Variants in LARS1 observed in about 807,000 individuals in gnomAD.
The protein encoded by LARS1 is leucine--tRNA ligase, cytoplasmic.
Under a neutral mutation model 162.8 loss-of-function variants are expected in LARS1, and 100 were observed. That is an observed-to-expected ratio of 0.61 (90% confidence interval 0.52 to 0.73). The LOEUF is 0.73. Ranked by LOEUF, LARS1 falls within the 30% of genes least tolerant of loss-of-function variation. The pLI is 0.00. For synonymous variants in LARS1, 457 were observed against 462.8 expected (o/e 0.99, Z 0.16); for missense variants, 1,258 against 1,408.9 (o/e 0.89, Z 1.71).
intron 24 of LARS1, chr5:146,130,504 T>G: frequency 4.5e-6 from 1 of 221,154 alleles, no homozygotes; most frequent in Non-Finnish European, 8.8e-6. Flanking sequence ...AACACATTGC[T>G]ATGCCCAGCC....
At chr5:146,130,463 G>C in intron 24 of LARS1, 1 of 280,368 alleles carries the variant, frequency 3.6e-6, no homozygotes, top group Non-Finnish European at 6.6e-6. Context: ...CAGCATATAG[G>C]ATATTAAATA....
chr5:146,122,400 T>C (rs1751865402), intron 30 of LARS1, 92 bp downstream of exon 30: 1 of 710,344 alleles, frequency 1.4e-6, no homozygotes, highest in African/African-American at 1.8e-5. Context: ...CCTTACTTTG[T>C]TCTATTTTTT....
At chr5:146,166,059 T>A (rs1753990790) in intron 5 of LARS1, among the ~76,000 whole-genome samples, 1 of 152,192 alleles carries the variant, frequency 6.6e-6, no homozygotes, top group South Asian at 2.1e-4. Context: ...TATATTTCCT[T>A]GCTCTGTCCA....
At chr5:146,146,304 C>T (rs1257189643) in intron 15 of LARS1, among the ~76,000 whole-genome samples, 1 of 145,732 alleles carries the variant, frequency 6.9e-6, no homozygotes, top group Non-Finnish European at 1.5e-5. Flanking sequence ...CGTGCCATTG[C>T]ACTCCAGCAG....
chr5:146,126,773 A>C (rs920368883), intron 27 of LARS1, among the ~76,000 whole-genome samples: 2 of 152,276 alleles, frequency 1.3e-5, no homozygotes, highest in South Asian at 4.1e-4. Flanking sequence ...TTAGAAGAGA[A>C]AAAGAAGTGA....
intron 24 of LARS1, 50 bp downstream of exon 24, chr5:146,130,969 A>G: frequency 9.8e-7 from 1 of 1,024,298 alleles, no homozygotes; most frequent in Non-Finnish European, 1.5e-6. Context: ...GAAAATACAT[A>G]ATGTTCACAT....
At chr5:146,171,775 T>A (rs1002105771) in intron 4 of LARS1, 135 bp downstream of exon 4, 1 of 598,582 alleles carries the variant, frequency 1.7e-6, no homozygotes. Context: ...TTTAAATTAA[T>A]TTTCACTATA....
chr5:146,136,727 G>A (rs966455379), intron 21 of LARS1, among the ~76,000 whole-genome samples: 4 of 151,834 alleles, frequency 2.6e-5, no homozygotes, highest in East Asian at 3.9e-4. Flanking sequence ...TGATCTGCCC[G>A]CCCTGGCATC....
chr5:146,147,901 A>T (rs940402551), intron 15 of LARS1, among the ~76,000 whole-genome samples: 2 of 152,184 alleles, frequency 1.3e-5, no homozygotes, highest in Non-Finnish European at 2.9e-5. Flanking sequence ...GGGAGAAAAA[A>T]GATTATACAA....
intron 1 of LARS1, among the ~76,000 whole-genome samples, chr5:146,179,051 G>A (rs943365904): frequency 2.6e-5 from 4 of 152,152 alleles, no homozygotes; most frequent in Admixed American, 2.0e-4. Context: ...GGCCAATATG[G>A]CGAAACCCCA....
chr5:146,158,902 C>T (rs1452866109), intron 8 of LARS1, among the ~76,000 whole-genome samples: 1 of 152,102 alleles, frequency 6.6e-6, no homozygotes, highest in East Asian at 1.9e-4. Flanking sequence ...CGAGACCATC[C>T]TGGCTAACAC....
chr5:146,129,209 AC>A, intron 25 of LARS1, 91 bp from the exon 26 acceptor site: 1 of 1,126,848 alleles, frequency 8.9e-7, no homozygotes, highest in Non-Finnish European at 1.2e-6. Context: ...TACCAAGGAT[AC>A]CATCTGTAAT....
Position 146,177,626 on chromosome 5 carries a change from T to C in LARS1, c.46A>G (p.Ile16Val). 6.2e-7 allele frequency: 1 copy of C among 1,607,280 alleles called. No individual in the cohort carries two copies. Among genetic ancestry groups the C allele is most frequent in the Admixed American group, 1.7e-5 (1 of 59,728 alleles). ...GTAKVDFLKK[I>V]EKEIQQKWDT... ...CATTTCTGTTGGATTTCTTTCTCAATCTTCTTCAAAAAGTCCACTTTGGCT... is the reference window on the plus strand; with the variant it reads ...CATTTCTGTTGGATTTCTTTCTCAACCTTCTTCAAAAAGTCCACTTTGGCT... Residue 16 changes from isoleucine (I) to valine (V), a missense_variant, in exon 2 of 32, where the codon ATT becomes GTT. Ile to Val is a conservative substitution (Grantham distance 29). Coordinates refer to ENST00000394434, the MANE Select transcript of LARS1 (RefSeq NM_020117.11).
At chr5:146,171,826 A>C in intron 4 of LARS1, 84 bp downstream of exon 4, 1 of 930,810 alleles carries the variant, frequency 1.1e-6, no homozygotes, top group Admixed American at 2.4e-5. Context: ...AGCAATACTT[A>C]AAAATCCTTT....
chr5:146,159,537 T>G, intron 7 of LARS1, 67 bp from the exon 8 acceptor site: 1 of 1,204,722 alleles, frequency 8.3e-7, no homozygotes, highest in East Asian at 2.4e-5. Flanking sequence ...CATATTTGCC[T>G]GTGTTGCACC....
chr5:146,182,247 C>T, intron 1 of LARS1: 2 of 573,066 alleles, frequency 3.5e-6, no homozygotes, highest in Non-Finnish European at 3.1e-6. Flanking sequence ...GGCTCTCCAC[C>T]TCGATTTTAG....
At chr5:146,157,651 G>A in intron 9 of LARS1, 23 bp from the exon 10 acceptor site, 2 of 1,611,950 alleles carry the variant, frequency 1.2e-6, no homozygotes, top group Non-Finnish European at 1.7e-6. Flanking sequence ...AACAAATATT[G>A]ATGTAAAAAC....
chr5:146,130,374 A>C, intron 24 of LARS1: 1 of 544,856 alleles, frequency 1.8e-6, no homozygotes, highest in Non-Finnish European at 3.2e-6. Context: ...TCAAAAAAAG[A>C]ATTTTTTTAC....
intron 23 of LARS1, 47 bp downstream of exon 23, chr5:146,132,851 G>T: frequency 6.9e-7 from 1 of 1,446,580 alleles, no homozygotes; most frequent in Non-Finnish European, 9.5e-7. Flanking sequence ...AAATGCACCA[G>T]GACTAAGTAA....
Sources: gnomAD v4.1 joint callset for allele counts (sites outside exome capture counted in the v4.1 genomes callset) on GRCh38, gnomAD v4.1.1 for gene constraint, MANE v1.5 for transcripts, NCBI Gene and HGNC (gene_info 2026-07-23, HGNC 2026-07-21) for gene names.